Variants in EXOC6B observed in about 807,000 individuals in gnomAD.
The protein encoded by EXOC6B is SEC15 homolog B.
In EXOC6B, 54 loss-of-function variants were observed where a neutral mutation model predicts 113.5. The ratio of observed to expected loss-of-function variants is 0.48; its 90% CI spans 0.38 to 0.60. EXOC6B has a LOEUF of 0.60. Ranked by LOEUF, EXOC6B falls within the 20% of genes least tolerant of loss-of-function variation. The pLI is 0.00. For synonymous variants in EXOC6B, 357 were observed against 339.0 expected, an observed-to-expected ratio of 1.05 and a Z score of -0.58; for missense variants, 797 against 977.5, an observed-to-expected ratio of 0.82 and a Z score of 2.46.
At chr2:72,296,724 A>C (rs561430379) in intron 20 of EXOC6B, among the ~76,000 whole-genome samples, 1 of 152,338 alleles carries the variant, frequency 6.6e-6, no homozygotes. Flanking sequence ...TCAAGAGACT[A>C]AAAATAACTA....
chr2:72,377,804 T>C (rs1379100357), intron 19 of EXOC6B, among the ~76,000 whole-genome samples: 3 of 152,162 alleles, frequency 2.0e-5, no homozygotes, highest in Non-Finnish European at 4.4e-5. Context: ...TTAATAACAA[T>C]GTACTGAAAT....
At chr2:72,634,868 C>T (rs1672714733) in intron 6 of EXOC6B, among the ~76,000 whole-genome samples, 1 of 151,836 alleles carries the variant, frequency 6.6e-6, no homozygotes. Context: ...CCACAAAACA[C>T]ATCTCAACAA....
chr2:72,338,968 TACACATACAC>T (rs1179067615), intron 19 of EXOC6B, among the ~76,000 whole-genome samples: 1 of 80,620 alleles, frequency 1.2e-5, no homozygotes, highest in Non-Finnish European at 2.8e-5. Context: ...TACACATACA[TACACATACAC>T]ATACACATTA....
chr2:72,772,910 C>T (rs752540417), intron 1 of EXOC6B, among the ~76,000 whole-genome samples: 2 of 151,992 alleles, frequency 1.3e-5, no homozygotes, highest in African/African-American at 4.8e-5. Context: ...ACCCAAGGAA[C>T]AAAATAAAGC....
intron 15 of EXOC6B, among the ~76,000 whole-genome samples, 181 bp from the exon 16 acceptor site, chr2:72,492,610 A>C (rs570536175): frequency 1.3e-4 from 20 of 152,242 alleles, no homozygotes; most frequent in Non-Finnish European, 2.9e-4. Context: ...GCTGAAAAAA[A>C]AATAGTTTGC....
In EXOC6B at chr2:72,401,458, G is replaced by A. The variant is rs367560561; in HGVS notation, c.1981-21588C>T. On this transcript the variant is annotated intron_variant, in intron 18 of 21. Coordinates refer to ENST00000272427, the MANE Select transcript of EXOC6B (RefSeq NM_015189.3). ...GCCTGGGCAACTGGAGCAAAACTCC[G>A]TATTTAAAAAAAAAACACAGAAAAT... Among the ~76,000 whole-genome samples the A allele has an allele frequency of 7.3e-4, 90 of 123,606 alleles. 1 individual carries two copies. The highest frequency in any genetic ancestry group is 3.4e-3 in the East Asian group (14 of 4,092). The allele number at this position is 123,606 out of a possible 152,430, so 81.1% of individuals were successfully genotyped here. A position where few individuals can be genotyped will look rare whatever the true frequency, so the allele number is the denominator to read the frequency against.
chr2:72,535,752 C>T (rs977034248), intron 8 of EXOC6B, among the ~76,000 whole-genome samples: 1 of 151,684 alleles, frequency 6.6e-6, no homozygotes. Flanking sequence ...TGTCTGTAAT[C>T]CTAGCTACTA....
intron 6 of EXOC6B, among the ~76,000 whole-genome samples, chr2:72,705,616 T>C (rs1040695821): frequency 7.9e-5 from 12 of 151,968 alleles, no homozygotes; most frequent in African/African-American, 2.7e-4. Flanking sequence ...CACACACACG[T>C]GCAAGTAAGC....
chr2:72,399,755 G>A (rs773706983), intron 18 of EXOC6B, among the ~76,000 whole-genome samples: 1 of 151,882 alleles, frequency 6.6e-6, no homozygotes, highest in Non-Finnish European at 1.5e-5. Context: ...ATTGCTACAA[G>A]GAAAACCAAA....
chr2:72,440,534 C>T (rs1023799046), intron 18 of EXOC6B, among the ~76,000 whole-genome samples: 1 of 152,116 alleles, frequency 6.6e-6, no homozygotes, highest in African/African-American at 2.4e-5. Context: ...GAAGGAAGCA[C>T]TAAATATGGA....
At chr2:72,698,560 C>G (rs1314813220) in intron 6 of EXOC6B, among the ~76,000 whole-genome samples, 1 of 152,144 alleles carries the variant, frequency 6.6e-6, no homozygotes, top group East Asian at 1.9e-4. Flanking sequence ...TCATTGTTAT[C>G]TTGCCCTTCT....
At chr2:72,627,213 C>T (rs1337281318) in intron 6 of EXOC6B, among the ~76,000 whole-genome samples, 2 of 152,190 alleles carry the variant, frequency 1.3e-5, no homozygotes, top group South Asian at 2.1e-4. Flanking sequence ...GACTGCTATT[C>T]TGCATGCAAA....
In EXOC6B at chr2:72,579,361, A is replaced by G. The variant is rs546500002; in HGVS notation, c.670-3693T>C. Among the ~76,000 whole-genome samples the G allele has an allele frequency of 7.9e-5, 12 of 152,300 alleles. No individual in the cohort carries two copies. The South Asian group carries it at 1.2e-3, about 16-fold the overall frequency. On this transcript the variant is annotated intron_variant, in intron 6 of 21. Transcript: ENST00000272427. ...CCTCAGTGTATACAACTCTTTCAGG[A>G]TAAGAAAAACACTTTACCATTCTTA...
At chr2:72,277,847 ATT>A (rs5832077) in intron 20 of EXOC6B, among the ~76,000 whole-genome samples, 8 of 149,072 alleles carry the variant, frequency 5.4e-5, no homozygotes, top group African/African-American at 1.7e-4. Flanking sequence ...ATTATACCCC[ATT>A]TTTTTTTATA....
intron 5 of EXOC6B, 34 bp from the exon 6 acceptor site, chr2:72,718,341 A>G (rs1158661715): frequency 3.1e-6 from 5 of 1,588,422 alleles, no homozygotes; most frequent in South Asian, 1.1e-5. Flanking sequence ...TAGCTCACTC[A>G]GTTTTCTTTA....
intron 1 of EXOC6B, among the ~76,000 whole-genome samples, chr2:72,771,016 TTAC>T (rs1233443865): frequency 6.6e-6 from 1 of 152,154 alleles, no homozygotes; most frequent in Non-Finnish European, 1.5e-5. Context: ...CATTTCCAAC[TTAC>T]TACACTTGGA....
At chr2:72,496,796 T>G (rs560350703) in intron 13 of EXOC6B, among the ~76,000 whole-genome samples, 1 of 151,990 alleles carries the variant, frequency 6.6e-6, no homozygotes, top group Middle Eastern at 3.4e-3. Flanking sequence ...CTGAAACAAA[T>G]GGACCACAAT....
At chr2:72,311,653 C>CA (rs1687191337) in intron 20 of EXOC6B, among the ~76,000 whole-genome samples, 2 of 152,038 alleles carry the variant, frequency 1.3e-5, no homozygotes, top group Admixed American at 6.6e-5. Flanking sequence ...TATAAGGTAA[C>CA]ATAGTCACAC....
intron 6 of EXOC6B, among the ~76,000 whole-genome samples, chr2:72,680,233 G>A (rs2104539769): frequency 6.6e-6 from 1 of 152,258 alleles, no homozygotes; most frequent in South Asian, 2.1e-4. Flanking sequence ...AAAAATCATA[G>A]GCTCTGAAGT....
Sources: gnomAD v4.1 joint callset for allele counts (sites outside exome capture counted in the v4.1 genomes callset) on GRCh38, gnomAD v4.1.1 for gene constraint, MANE v1.5 for transcripts, NCBI Gene and HGNC (gene_info 2026-07-23, HGNC 2026-07-21) for gene names.